The following VWA3B variants were observed in gnomAD, a reference collection of about 807,000 sequenced individuals.
VWA3B encodes von Willebrand factor A domain-containing protein 3B.
A neutral mutation model predicts 158.3 loss-of-function variants in VWA3B; 138 were observed. That is an observed-to-expected ratio of 0.87 (90% CI 0.76 to 1.00). VWA3B has a LOEUF of 1.00. Ranked by LOEUF, VWA3B falls within the 50% of genes least tolerant of loss-of-function variation. VWA3B has a pLI of 0.00. For missense variants in VWA3B, 1,555 were observed against 1,565.1 expected (o/e 0.99, Z 0.11); for synonymous variants, 596 against 587.3 (o/e 1.01, Z -0.21).
intron 5 of VWA3B, among the ~76,000 whole-genome samples, chr2:98,122,864 G>C (rs1285340987): frequency 6.6e-6 from 1 of 152,212 alleles, no homozygotes; most frequent in African/African-American, 2.4e-5. Flanking sequence ...GGAAGAAAAG[G>C]AATCAAGAAA....
rs147929237 is a variant in VWA3B at position 98,213,427 on chromosome 2, A to T, written c.1836+1399A>T. On this transcript the variant is annotated intron_variant, in intron 13 of 27. Coordinates refer to ENST00000477737, the MANE Select transcript of VWA3B (RefSeq NM_144992.5). ...GGCCTGCTGCTGGGTCCTTGATGAA[A>T]GCTGGGAAGGACCTAGCCTTGGGTG... Among the ~76,000 whole-genome samples the T allele has an allele frequency of 1.5e-3, 225 of 152,270 alleles. 1 individual carries two copies. Among genetic ancestry groups the T allele is most frequent in the African/African-American group, 5.1e-3 (214 of 41,556 alleles).
In VWA3B at chr2:98,188,028, T is replaced by A. The variant is rs1191400620; in HGVS notation, c.1365T>A (p.Ala455=). 1 of 1,614,040 alleles carries A rather than the reference T, an allele frequency of 6.2e-7. No homozygotes were observed. Among genetic ancestry groups the A allele is most frequent in the Admixed American group, 1.7e-5 (1 of 60,004 alleles). Residue 455 remains alanine, a synonymous_variant, in exon 10 of 28, where the codon GCT becomes GCA. Transcript: ENST00000477737. ...HAKYCSRFVH[A]PWKDGSLVHV... ...AATATTGCAGCAGGTTTGTCCATGC[T>A]CCCTGGAAGGATGGGAGCTTGGTCC...
intron 2 of VWA3B, among the ~76,000 whole-genome samples, chr2:98,098,351 C>G (rs772458804): frequency 6.6e-6 from 1 of 152,048 alleles, no homozygotes; most frequent in Non-Finnish European, 1.5e-5. Flanking sequence ...GCATTTTAGT[C>G]TATCTCTTCC....
chr2:98,290,954 C>G (rs1351842657), intron 23 of VWA3B: 1 of 214,398 alleles, frequency 4.7e-6, no homozygotes, highest in Admixed American at 6.1e-5. Flanking sequence ...AACATTCTTG[C>G]TTTTTGGAGA....
Position 98,125,265 on chromosome 2 carries a change from A to G in VWA3B, c.703-2974A>G, listed in dbSNP as rs1675268942. ...AACCCTTGGATGGTGGGGTAACCAC[A>G]GAAGTGAAAAAAGTGACTGTCTGGG... On this transcript the variant is annotated intron_variant, in intron 5 of 27. Transcript: ENST00000477737. This position sits in a 1 kb window ranked among gnomAD's most constrained non-coding sequence, Gnocchi z 4.1. Among the ~76,000 whole-genome samples the G allele has an allele frequency of 6.6e-6, 1 of 152,242 alleles. No homozygotes were observed. Among genetic ancestry groups the G allele is most frequent in the African/African-American group, 2.4e-5 (1 of 41,472 alleles).
In VWA3B at chr2:98,188,948, C is replaced by T. The variant is rs192935790; in HGVS notation, c.1466+819C>T. Among the ~76,000 whole-genome samples, 340 of 152,340 alleles carry T rather than the reference C, an allele frequency of 2.2e-3. 1 individual carries two copies. Among genetic ancestry groups the T allele is most frequent in the African/African-American group, 7.7e-3 (322 of 41,578 alleles). ...AGGAATGCTTCTGTTTCATACCTCA[C>T]ATTCTTTTCTAGGCCACACGTGTAT... On this transcript the variant is annotated intron_variant, in intron 10 of 27. Transcript: ENST00000477737.
At chr2:98,204,703 T>C (rs1682866852) in intron 12 of VWA3B, among the ~76,000 whole-genome samples, 1 of 152,242 alleles carries the variant, frequency 6.6e-6, no homozygotes, top group South Asian at 2.1e-4. Flanking sequence ...CTGCTTTGCG[T>C]ATCAGTGTAA....
the VWA3B span, among the ~76,000 whole-genome samples, chr2:98,329,679 T>C: frequency 6.6e-6 from 1 of 152,066 alleles, no homozygotes; most frequent in Non-Finnish European, 1.5e-5. Flanking sequence ...CACTTCTAGG[T>C]ATTGTGAAGG....
At chr2:98,129,191 AGT>A (rs1182854586) in intron 6 of VWA3B, among the ~76,000 whole-genome samples, 2 of 149,212 alleles carry the variant, frequency 1.3e-5, no homozygotes, top group South Asian at 2.1e-4. Flanking sequence ...GGAGAGAGAG[AGT>A]GAGAGAGAGA....
intron 25 of VWA3B, among the ~76,000 whole-genome samples, chr2:98,302,238 ACT>A (rs1690244986): frequency 6.6e-6 from 1 of 151,458 alleles, no homozygotes; most frequent in Non-Finnish European, 1.5e-5. Context: ...CACCCTAAAG[ACT>A]CTGCCTGATT....
chr2:98,091,221 T>C (rs1253925698), intron 1 of VWA3B, among the ~76,000 whole-genome samples: 1 of 152,212 alleles, frequency 6.6e-6, no homozygotes, highest in East Asian at 1.9e-4. Flanking sequence ...ATTGTAAAGA[T>C]AGCAGAGTGG....
rs549883564 is a variant in VWA3B at position 98,127,040 on chromosome 2, A to C, written c.703-1199A>C. Among the ~76,000 whole-genome samples the C allele has an allele frequency of 2.4e-4, 35 of 148,420 alleles. 3 individuals carry two copies. In the East Asian group the frequency reaches 3.4e-3, roughly 15 times the overall value. ...ACTGAGGTGAGGCCATTTGTTGACT[A>C]TCTTCAGCTTATTGGGATTTGGGAT... On this transcript the variant is annotated intron_variant, in intron 5 of 27. Coordinates refer to ENST00000477737, the MANE Select transcript of VWA3B (RefSeq NM_144992.5).
chr2:98,237,108 C>G (rs925285192), intron 19 of VWA3B, among the ~76,000 whole-genome samples: 3 of 152,208 alleles, frequency 2.0e-5, no homozygotes, highest in Admixed American at 6.5e-5. Context: ...CCTGAGACAT[C>G]GAGGCTGCAG....
chr2:98,142,572 C>G (rs868481286), intron 7 of VWA3B, among the ~76,000 whole-genome samples: 1 of 152,138 alleles, frequency 6.6e-6, no homozygotes, highest in Admixed American at 6.5e-5. Flanking sequence ...GGTATCTGCT[C>G]AAGTGTGGAG....
chr2:98,283,891 C>A (rs920750592), intron 22 of VWA3B, among the ~76,000 whole-genome samples: 3 of 152,246 alleles, frequency 2.0e-5, no homozygotes, highest in Non-Finnish European at 4.4e-5. Context: ...GTTTCTCCTG[C>A]CTCCTAGTCC....
chr2:98,171,157 T>C (rs1679550262), intron 8 of VWA3B, among the ~76,000 whole-genome samples: 1 of 152,228 alleles, frequency 6.6e-6, no homozygotes, highest in African/African-American at 2.4e-5. Context: ...ATTTAGTGCT[T>C]ACTCAATGTA....
chr2:98,092,200 T>C (rs796442954), intron 1 of VWA3B, among the ~76,000 whole-genome samples: 43 of 152,314 alleles, frequency 2.8e-4, no homozygotes, highest in African/African-American at 9.6e-4. Flanking sequence ...GTTCGACAGG[T>C]AAAAACCTGT....
Position 98,121,340 on chromosome 2 carries a change from C to T in VWA3B, c.584C>T (p.Pro195Leu), listed in dbSNP as rs772789544. Residue 195 changes from proline (P) to leucine (L), a missense_variant, in exon 5 of 28, where the codon CCT (proline) becomes CTT (leucine). By Grantham distance (98) the Pro-to-Leu change is moderately conservative (BLOSUM62 -3). Transcript: ENST00000477737. ...EPVKWQENATPVTEQSIATAI... is the reference protein window; with the variant it reads ...EPVKWQENATLVTEQSIATAI... The stretch of plus-strand genomic sequence containing the variant: ...GTGAAGTGGCAGGAAAATGCTACTC[C>T]TGTGACCGAACAGTCCATAGCTACT... The T allele has an allele frequency of 1.2e-5, 20 of 1,614,022 alleles. No individual in the cohort carries two copies. The highest frequency in any genetic ancestry group is 9.9e-5 in the South Asian group (9 of 91,088).
intron 6 of VWA3B, among the ~76,000 whole-genome samples, chr2:98,132,265 G>A (rs909517148): frequency 2.0e-5 from 3 of 152,230 alleles, no homozygotes; most frequent in South Asian, 4.1e-4. Flanking sequence ...AACCCATCAC[G>A]AGTAGTGCCC....
Sources: gnomAD v4.1 joint callset for allele counts (sites outside exome capture counted in the v4.1 genomes callset) on GRCh38, gnomAD v4.1.1 for gene constraint, Gnocchi (gnomAD v3.1) non-coding constraint, MANE v1.5 for transcripts, NCBI Gene and HGNC (gene_info 2026-07-23, HGNC 2026-07-21) for gene names.